UNC13B: variants seen among roughly 807,000 people sequenced by gnomAD.
UNC13B encodes protein unc-13 homolog B.
Under a neutral mutation model 211.0 loss-of-function variants are expected in UNC13B, and 144 were observed. The ratio of observed to expected loss-of-function variants is 0.68; its 90% CI spans 0.60 to 0.78. The LOEUF (loss-of-function observed/expected upper bound fraction) is 0.78, where lower values mean the gene tolerates loss of function less well. UNC13B is among the 30% of genes least tolerant of loss of function. The probability of loss-of-function intolerance (pLI) is 0.00; values close to 1 mark genes in which losing one functional copy is unlikely to be tolerated. For synonymous variants in UNC13B, 709 were observed against 725.8 expected (o/e 0.98, Z 0.37); for missense variants, 1,777 against 2,002.0 (o/e 0.89, Z 2.14).
intron 7 of UNC13B, among the ~76,000 whole-genome samples, chr9:35,280,649 A>G (rs530101471): frequency 6.6e-6 from 1 of 152,310 alleles, no homozygotes; most frequent in East Asian, 1.9e-4. Flanking sequence ...TATTGATGCT[A>G]ATTATAGGTG....
In UNC13B at chr9:35,313,923, A is replaced by G; in HGVS notation, c.9348A>G (p.Ser3116=). The stretch of plus-strand genomic sequence containing the variant: ...GTTTTCCTGAGGAGAATGCATCTTC[A>G]CCATTTACCCAAGCCAGAGCACATT... The part of the protein sequence containing the change: ...QESFPEENAS[S]PFTQARAHWI... The change falls in exon 11 of 40, where the codon TCA becomes TCG. Residue 3116 remains serine, a synonymous_variant. Coordinates refer to ENST00000635942, the MANE Select transcript of UNC13B (RefSeq NM_001371189.2). 1 of 1,613,882 alleles carries G rather than the reference A, an allele frequency of 6.2e-7. No individual in the cohort carries two copies. The highest frequency in any genetic ancestry group is 8.5e-7 in the Non-Finnish European group (1 of 1,179,812).
chr9:35,348,405 A>G (rs1236452013), intron 11 of UNC13B, among the ~76,000 whole-genome samples: 2 of 152,216 alleles, frequency 1.3e-5, no homozygotes, highest in Non-Finnish European at 2.9e-5. Context: ...TGGGAACTGA[A>G]TGATTTACTC....
chr9:35,233,055 T>C (rs1462175926), intron 3 of UNC13B, among the ~76,000 whole-genome samples: 1 of 152,176 alleles, frequency 6.6e-6, no homozygotes, highest in African/African-American at 2.4e-5. Flanking sequence ...ATAAGCCTCA[T>C]TTATTCCCTC....
In UNC13B at chr9:35,396,452, C is replaced by G. The variant is rs762442536; in HGVS notation, c.11309-24C>G. ...CATGGCCTCTACTGCTGGGACCTGA[C>G]CCAACCTTTCTCCCTACCACTAGAG... On this transcript the variant is annotated intron_variant, in intron 26 of 39. Transcript: ENST00000635942. 10 of 1,613,722 alleles carry G rather than the reference C, an allele frequency of 6.2e-6. No individual in the cohort carries two copies. The East Asian group carries it at 2.2e-4, about 36-fold the overall frequency.
rs1406906468 is a variant in UNC13B at position 35,305,481 on chromosome 9, G to T, written c.6077G>T (p.Gly2026Val). Residue 2026 changes from glycine (G) to valine (V), a missense_variant, in exon 9 of 40, where the codon GGT becomes GTT. Transcript: ENST00000635942. Reference protein sequence around the residue: ...SPTPMELASQGAGNFPAAPIS... With the variant: ...SPTPMELASQVAGNFPAAPIS... Reference sequence around the variant, plus strand: ...ACTCCTATGGAGCTAGCTAGCCAGGGTGCTGGGAACTTTCCTGCTGCACCA... The same window carrying T: ...ACTCCTATGGAGCTAGCTAGCCAGGTTGCTGGGAACTTTCCTGCTGCACCA... 1.0e-5 allele frequency: 4 copies of T among 398,862 alleles called. No individual in the cohort carries two copies. Among genetic ancestry groups the T allele is most frequent in the Non-Finnish European group, 1.8e-5 (4 of 226,042 alleles). 24.7% of individuals were successfully genotyped at this position (398,862 alleles called of 1,614,324 possible).
At chr9:35,227,934 G>A (rs1458409747) in intron 1 of UNC13B, 81 bp from the exon 2 acceptor site, 1 of 1,184,868 alleles carries the variant, frequency 8.4e-7, no homozygotes, top group Non-Finnish European at 1.2e-6. Flanking sequence ...TCTAACATTG[G>A]TATGTAGTGC....
intron 22 of UNC13B, chr9:35,384,697 G>A (rs79314650): frequency 0.048 from 47,111 of 985,258 alleles, 1,281 homozygotes; most frequent in Non-Finnish European, 0.053. Flanking sequence ...GTTTTCCAGC[G>A]GAGGTGTGAG....
chr9:35,233,410 G>A (rs1825319822), intron 3 of UNC13B, among the ~76,000 whole-genome samples: 1 of 152,144 alleles, frequency 6.6e-6, no homozygotes, highest in South Asian at 2.1e-4. Flanking sequence ...TTGAGATGCT[G>A]TGTGAATTTT....
intron 1 of UNC13B, among the ~76,000 whole-genome samples, chr9:35,217,100 T>A (rs372897456): frequency 6.6e-6 from 1 of 152,182 alleles, no homozygotes; most frequent in Admixed American, 6.5e-5. Context: ...ATTGTGGCAA[T>A]AGTAACATGG....
At chr9:35,332,068 A>T (rs912679671) in intron 11 of UNC13B, among the ~76,000 whole-genome samples, 8 of 151,032 alleles carry the variant, frequency 5.3e-5, no homozygotes, top group Non-Finnish European at 8.8e-5. Context: ...TGCAACCTCC[A>T]CCTACCAGGA....
At chr9:35,249,221 C>T (rs1023455731) in intron 6 of UNC13B, among the ~76,000 whole-genome samples, 3 of 152,140 alleles carry the variant, frequency 2.0e-5, no homozygotes, top group African/African-American at 4.8e-5. Flanking sequence ...GATCTTCCTC[C>T]ATCCCTTTAT....
At chr9:35,292,607 C>T (rs1179478680) in intron 7 of UNC13B, among the ~76,000 whole-genome samples, 1 of 152,230 alleles carries the variant, frequency 6.6e-6, no homozygotes. Flanking sequence ...TTTGTACTAA[C>T]TGCCTTGCAT....
intron 1 of UNC13B, among the ~76,000 whole-genome samples, chr9:35,193,653 G>A (rs1304842649): frequency 4.3e-5 from 5 of 116,908 alleles, no homozygotes; most frequent in Non-Finnish European, 8.3e-5. Context: ...GCAAGACTCC[G>A]TCTCAAAAAA....
chr9:35,321,744 T>C (rs1420103982), intron 11 of UNC13B, among the ~76,000 whole-genome samples: 5 of 152,176 alleles, frequency 3.3e-5, no homozygotes. Context: ...CAGGTGATCG[T>C]CCTGTCTGGG....
chr9:35,395,837 A>G (rs1443963164), intron 26 of UNC13B, among the ~76,000 whole-genome samples: 1 of 152,170 alleles, frequency 6.6e-6, no homozygotes, highest in African/African-American at 2.4e-5. Context: ...CTGTGTTTCC[A>G]TAGTTTCCAA....
intron 1 of UNC13B, among the ~76,000 whole-genome samples, chr9:35,164,975 A>G (rs967263335): frequency 2.6e-5 from 4 of 152,248 alleles, no homozygotes; most frequent in African/African-American, 4.8e-5. Context: ...TGGTCAGATC[A>G]GATCTGGAAT....
intron 1 of UNC13B, among the ~76,000 whole-genome samples, chr9:35,176,415 G>A (rs1265703263): frequency 6.6e-6 from 1 of 152,076 alleles, no homozygotes; most frequent in Non-Finnish European, 1.5e-5. Context: ...GGGCGTGGTG[G>A]CAGGCGCCTG....
intron 11 of UNC13B, chr9:35,353,686 T>G: frequency 8.1e-7 from 1 of 1,232,096 alleles, no homozygotes; most frequent in Non-Finnish European, 1.0e-6. Context: ...CAGAGACCGT[T>G]TACCTCAACA....
Position 35,162,242 on chromosome 9 carries a change from G to C in UNC13B, c.-42G>C, listed in dbSNP as rs376872459. 2.7e-5 allele frequency: 41 copies of C among 1,542,230 alleles called. No homozygotes were observed. In the East Asian group the frequency reaches 6.4e-4, roughly 24 times the overall value. On this transcript the variant is annotated 5_prime_UTR_variant, in exon 1 of 40. Coordinates refer to ENST00000635942, the MANE Select transcript of UNC13B (RefSeq NM_001371189.2). The stretch of plus-strand genomic sequence containing the variant: ...GCTGAGAGGAAAGAGGGAGCGGTCC[G>C]GCGCGGCTGGGGCGCGGCAGAGGCT...
Sources: allele counts gnomAD v4.1 joint callset (sites outside exome capture counted in the v4.1 genomes callset), GRCh38; gene constraint gnomAD v4.1.1; transcripts MANE v1.5; gene names NCBI Gene and HGNC (gene_info 2026-07-23, HGNC 2026-07-21).